The following CSMD1 variants were observed in gnomAD, a reference collection of about 807,000 sequenced individuals.
CSMD1 encodes CUB and sushi domain-containing protein 1.
Under a neutral mutation model 417.5 loss-of-function variants are expected in CSMD1, and 213 were observed. That is an observed-to-expected ratio of 0.51 (90% confidence interval 0.46 to 0.57). CSMD1 has a LOEUF of 0.57. Ranked by LOEUF, CSMD1 falls within the 20% of genes least tolerant of loss-of-function variation. The pLI is 0.00. For synonymous variants in CSMD1, 2,862 were observed against 1,736.8 expected, an observed-to-expected ratio of 1.65 and a Z score of -16.11; for missense variants, 6,923 against 4,529.7, an observed-to-expected ratio of 1.53 and a Z score of -15.17.
chr8:2,991,915 C>T (rs1024410080), intron 54 of CSMD1, among the ~76,000 whole-genome samples: 2 of 152,162 alleles, frequency 1.3e-5, no homozygotes, highest in South Asian at 2.1e-4. Flanking sequence ...AAGGTGACTA[C>T]ACAGCGAAAA....
intron 39 of CSMD1, among the ~76,000 whole-genome samples, chr8:3,152,282 T>C (rs902029606): frequency 3.9e-5 from 6 of 152,246 alleles, no homozygotes; most frequent in African/African-American, 1.4e-4. Flanking sequence ...ACAACAAACA[T>C]GCCCAGTGAT....
chr8:3,452,901 C>T (rs1169400337), intron 12 of CSMD1, among the ~76,000 whole-genome samples: 1 of 152,164 alleles, frequency 6.6e-6, no homozygotes, highest in Non-Finnish European at 1.5e-5. Context: ...GGTACCAGCT[C>T]CTCCTTGTAT....
intron 8 of CSMD1, among the ~76,000 whole-genome samples, chr8:3,609,887 C>T (rs558114256): frequency 2.4e-5 from 3 of 123,448 alleles, no homozygotes; most frequent in East Asian, 2.6e-4. Context: ...GGTGCGATCT[C>T]GGCTCCTGGG....
intron 26 of CSMD1, among the ~76,000 whole-genome samples, chr8:3,276,658 A>G: frequency 6.6e-6 from 1 of 152,228 alleles, no homozygotes; most frequent in East Asian, 1.9e-4. Flanking sequence ...CCGTATCATT[A>G]TTAAAATAGC....
chr8:3,818,824 A>T (rs1178434513), intron 5 of CSMD1, among the ~76,000 whole-genome samples: 1 of 152,178 alleles, frequency 6.6e-6, no homozygotes, highest in Non-Finnish European at 1.5e-5. Context: ...GTCGCTGTTT[A>T]ACTACTGTGA....
intron 1 of CSMD1, among the ~76,000 whole-genome samples, chr8:4,819,563 C>T (rs892998936): frequency 6.6e-6 from 1 of 152,146 alleles, no homozygotes; most frequent in Non-Finnish European, 1.5e-5. Context: ...ATGACTGTCT[C>T]ATAAGTAAAA....
intron 2 of CSMD1, among the ~76,000 whole-genome samples, chr8:4,630,691 C>A (rs536169826): frequency 4.6e-5 from 7 of 152,188 alleles, no homozygotes; most frequent in East Asian, 3.9e-4. Context: ...CTGAGTGGAC[C>A]AAACACCTCT....
chr8:4,174,875 T>C (rs1300908907), intron 3 of CSMD1, among the ~76,000 whole-genome samples: 1 of 149,952 alleles, frequency 6.7e-6, no homozygotes, highest in East Asian at 2.0e-4. Flanking sequence ...TTGATGTTAA[T>C]GTACACTAGA....
intron 3 of CSMD1, among the ~76,000 whole-genome samples, chr8:4,296,695 G>GAT (rs1563408533): frequency 5.3e-4 from 40 of 76,140 alleles, no homozygotes; most frequent in African/African-American, 1.9e-3. Flanking sequence ...CGAAAATAAG[G>GAT]GTTTTTTTTT....
At chr8:4,381,845 T>C (rs1276715742) in intron 3 of CSMD1, among the ~76,000 whole-genome samples, 1 of 152,182 alleles carries the variant, frequency 6.6e-6, no homozygotes, top group Non-Finnish European at 1.5e-5. Context: ...TCACCAAAGC[T>C]CAGCATCACC....
intron 3 of CSMD1, among the ~76,000 whole-genome samples, chr8:4,369,427 G>C (rs78781639): frequency 6.6e-6 from 1 of 152,080 alleles, no homozygotes; most frequent in Non-Finnish European, 1.5e-5. Flanking sequence ...ATCACTGTTG[G>C]GTGGAGTGTT....
chr8:4,705,747 A>C (rs1177778247), intron 1 of CSMD1, among the ~76,000 whole-genome samples: 1 of 152,132 alleles, frequency 6.6e-6, no homozygotes, highest in Non-Finnish European at 1.5e-5. Flanking sequence ...TAATCTAACT[A>C]ATATTTTAAA....
At chr8:3,835,804 G>T (rs997706775) in intron 5 of CSMD1, among the ~76,000 whole-genome samples, 1 of 151,460 alleles carries the variant, frequency 6.6e-6, no homozygotes, top group Admixed American at 6.6e-5. Context: ...GAGTTCCTAA[G>T]AGTAATTTTT....
chr8:3,290,561 C>G (rs908658765), intron 25 of CSMD1, among the ~76,000 whole-genome samples: 1 of 146,056 alleles, frequency 6.8e-6, no homozygotes, highest in African/African-American at 2.8e-5. Flanking sequence ...AGTTGGATTG[C>G]TAGGTATTTT....
chr8:3,670,529 AT>A, intron 7 of CSMD1, among the ~76,000 whole-genome samples: 1 of 98,996 alleles, frequency 1.0e-5, no homozygotes, highest in Non-Finnish European at 2.6e-5. Context: ...CTATATACAT[AT>A]ATCCCATATA....
chr8:3,524,058 C>T lies in CSMD1; in HGVS notation c.1345-30332G>A, dbSNP rs111066234. ...ATGCACACCCAGAGACACGTGCACA[C>T]ACATGCACACACTTACACATGCACA... On this transcript the variant is annotated intron_variant, in intron 10 of 69. Transcript: ENST00000635120. 6.6e-3 allele frequency among the ~76,000 whole-genome samples: 882 copies of T among 133,002 alleles called. 12 individuals carry two copies. The highest frequency in any genetic ancestry group is 0.022 in the African/African-American group (864 of 39,156). The allele number at this position is 133,002 out of a possible 152,430, so 87.3% of individuals were successfully genotyped here.
chr8:4,648,048 T>C (rs2725001), intron 1 of CSMD1, among the ~76,000 whole-genome samples: 84,281 of 152,080 alleles, frequency 0.55, 23,639 homozygotes, highest in Admixed American at 0.66. Context: ...GAAAAGTGTT[T>C]CTATTTCTCC....
At chr8:3,995,812 G>A (rs138994938) in intron 5 of CSMD1, among the ~76,000 whole-genome samples, 2 of 152,162 alleles carry the variant, frequency 1.3e-5, no homozygotes, top group Non-Finnish European at 2.9e-5. Flanking sequence ...TATTTGAAGA[G>A]AGCAGCTAAG....
chr8:4,390,552 T>G (rs1172829855), intron 3 of CSMD1, among the ~76,000 whole-genome samples: 2 of 106,652 alleles, frequency 1.9e-5, no homozygotes, highest in East Asian at 2.4e-4. Flanking sequence ...CTTGCTCTGT[T>G]GCCCAGGCTG....
Sources: gnomAD v4.1 joint callset for allele counts (sites outside exome capture counted in the v4.1 genomes callset) on GRCh38, gnomAD v4.1.1 for gene constraint, MANE v1.5 for transcripts, NCBI Gene and HGNC (gene_info 2026-07-23, HGNC 2026-07-21) for gene names.